Variants in TLE1 observed in about 807,000 individuals in gnomAD.
TLE1 encodes the protein TLE family member 1, transcriptional corepressor, also known as transducin-like enhancer protein 1.
A neutral mutation model predicts 89.8 loss-of-function variants in TLE1; 21 were observed. The ratio of observed to expected loss-of-function variants is 0.23; its 90% CI spans 0.17 to 0.34. The LOEUF (loss-of-function observed/expected upper bound fraction) is 0.34. Ranked by LOEUF, TLE1 falls within the 10% of genes least tolerant of loss-of-function variation. TLE1 has a pLI of 1.00. For missense variants in TLE1, 795 were observed against 1,031.2 expected, an observed-to-expected ratio of 0.77 and a Z score of 3.14; for synonymous variants, 447 against 407.6, an observed-to-expected ratio of 1.10 and a Z score of -1.16.
intron 6 of TLE1, among the ~76,000 whole-genome samples, chr9:81,640,300 T>C (rs1293049412): frequency 6.6e-6 from 1 of 152,070 alleles, no homozygotes; most frequent in Non-Finnish European, 1.5e-5. Context: ...TTCAATCACA[T>C]TCACTGTCCT....
intron 6 of TLE1, among the ~76,000 whole-genome samples, chr9:81,636,867 G>GGTA (rs1252234242): frequency 2.0e-5 from 3 of 151,936 alleles, no homozygotes; most frequent in African/African-American, 7.3e-5. Flanking sequence ...GCCAGGTGTG[G>GGTA]TGGCGGATGC....
rs77547622 is a variant in TLE1 at position 81,613,272 on chromosome 9, T to G, written c.1063+105A>C. ...AGATAGGAAGGAGGGTGGCCCTACG[T>G]ACATTTCATATTTGTAGGGCAATTG... On this transcript the variant is annotated intron_variant, in intron 12 of 19. Transcript: ENST00000376499. 6.0e-4 allele frequency: 881 copies of G among 1,474,160 alleles called. 10 individuals are homozygous for G. The East Asian group carries it at 0.018, about 30-fold the overall frequency. 91.3% of individuals were successfully genotyped at this position (1,474,160 alleles called of 1,614,324 possible). A position where few individuals can be genotyped will look rare whatever the true frequency, so the allele number is the denominator to read the frequency against.
chr9:81,648,107 A>C (rs943219728), intron 6 of TLE1, among the ~76,000 whole-genome samples: 5 of 151,968 alleles, frequency 3.3e-5, no homozygotes, highest in African/African-American at 1.2e-4. Flanking sequence ...CCCTGTCTCT[A>C]CTAAAAATAC....
At position 81,689,517 on chromosome 9, in the gene TLE1, C is replaced by G. The variant is rs1834759960; in HGVS notation, c.-1277G>C. On this transcript the variant is annotated 5_prime_UTR_variant, in exon 1 of 20. Coordinates refer to ENST00000376499, the MANE Select transcript of TLE1 (RefSeq NM_005077.5). Reference sequence around the variant, plus strand: ...CTGCAGCCGCCGCTCCCACCGCCGCCGCCGCCCGCGCCTCTCGCGCCGCTT... The same window carrying G: ...CTGCAGCCGCCGCTCCCACCGCCGCGGCCGCCCGCGCCTCTCGCGCCGCTT... Among the ~76,000 whole-genome samples the G allele has an allele frequency of 6.6e-6, 1 of 152,102 alleles. No individual in the cohort carries two copies. Among genetic ancestry groups the G allele is most frequent in the Non-Finnish European group, 1.5e-5 (1 of 68,020 alleles).
chr9:81,622,087 C>G (rs1279809612), intron 8 of TLE1, among the ~76,000 whole-genome samples: 1 of 152,242 alleles, frequency 6.6e-6, no homozygotes, highest in African/African-American at 2.4e-5. Context: ...AGACCCCCAG[C>G]TGACAAGGCT....
intron 14 of TLE1, among the ~76,000 whole-genome samples, chr9:81,595,798 G>A (rs815857): frequency 0.7 from 101,767 of 146,234 alleles, 35,334 homozygotes; most frequent in Middle Eastern, 0.74. Context: ...CAGCCTGGGC[G>A]ACAGAGACTC....
At chr9:81,600,164 A>G (rs1232768227) in intron 14 of TLE1, 2 of 709,528 alleles carry the variant, frequency 2.8e-6, no homozygotes, top group Admixed American at 2.1e-5. Flanking sequence ...ATGGAAAGTA[A>G]AACAAAAAGA....
intron 11 of TLE1, among the ~76,000 whole-genome samples, chr9:81,613,910 T>TC (rs1212395390): frequency 6.9e-6 from 1 of 145,710 alleles, no homozygotes; most frequent in Non-Finnish European, 1.5e-5. Flanking sequence ...TCTTTTCTTT[T>TC]TTTTTTTTTT....
At chr9:81,654,743 A>G (rs1208605020) in intron 4 of TLE1, among the ~76,000 whole-genome samples, 1 of 152,202 alleles carries the variant, frequency 6.6e-6, no homozygotes, top group Non-Finnish European at 1.5e-5. Context: ...GCACTGTCAA[A>G]GCAGTCCACC....
chr9:81,643,484 C>T (rs1163382060), intron 6 of TLE1, among the ~76,000 whole-genome samples: 3 of 152,144 alleles, frequency 2.0e-5, no homozygotes, highest in African/African-American at 7.2e-5. Flanking sequence ...GATCCGCCCA[C>T]CTCAGCCTCC....
intron 4 of TLE1, among the ~76,000 whole-genome samples, chr9:81,675,994 A>C (rs1330323963): frequency 6.6e-6 from 1 of 152,096 alleles, no homozygotes. Flanking sequence ...CCACCACACC[A>C]GGCCGACCCA....
intron 14 of TLE1, among the ~76,000 whole-genome samples, chr9:81,606,975 G>A (rs1831759007): frequency 1.3e-5 from 2 of 150,688 alleles, no homozygotes; most frequent in Admixed American, 1.3e-4. Flanking sequence ...TGTAGTCCCA[G>A]CACTTTGGGA....
At chr9:81,672,660 C>T (rs1274190169) in intron 4 of TLE1, among the ~76,000 whole-genome samples, 1 of 152,082 alleles carries the variant, frequency 6.6e-6, no homozygotes, top group Non-Finnish European at 1.5e-5. Context: ...GTACATATCC[C>T]TCATCAAAAT....
At chr9:81,611,036 G>A (rs1399647249) in intron 13 of TLE1, among the ~76,000 whole-genome samples, 1 of 152,208 alleles carries the variant, frequency 6.6e-6, no homozygotes, top group Non-Finnish European at 1.5e-5. Flanking sequence ...GCTATGTGAA[G>A]AGGGGACAAG....
rs1471357564 is a variant in TLE1, at chr9:81,611,689, GC to G, written c.1254+79del. 2.6e-5 allele frequency: 34 copies of G among 1,323,172 alleles called. 2 individuals are homozygous for G. The Middle Eastern group carries it at 1.1e-3, about 43-fold the overall frequency. The allele number at this position is 1,323,172 out of a possible 1,614,324, so 82.0% of individuals were successfully genotyped here. A position where few individuals can be genotyped will look rare whatever the true frequency, so the allele number is the denominator to read the frequency against. Reference sequence around the variant, plus strand: ...GCTCCTGCCCACGCAGCGCAGAGAGGCCTGGCCCCAAACCTGACAGCGCTCA... The same window carrying G: ...GCTCCTGCCCACGCAGCGCAGAGAGGCTGGCCCCAAACCTGACAGCGCTCA... On this transcript the variant is annotated intron_variant, in intron 13 of 19. Transcript: ENST00000376499.
rs762240122 is a variant in TLE1, at chr9:81,633,339, A to G, written c.594+9T>C. 4 of 1,608,454 alleles carry G rather than the reference A, an allele frequency of 2.5e-6. No homozygotes were observed. On this transcript the variant is annotated intron_variant, in intron 8 of 19. Coordinates refer to ENST00000376499, the MANE Select transcript of TLE1 (RefSeq NM_005077.5). ...TGTGTGTGTGTGCAGCAGGCGTTTG[A>G]GTACTTACTGTGCCCGGCTCTCTGT...
intron 8 of TLE1, among the ~76,000 whole-genome samples, chr9:81,625,008 A>G (rs1318772225): frequency 6.6e-6 from 1 of 152,212 alleles, no homozygotes; most frequent in Non-Finnish European, 1.5e-5. Flanking sequence ...AGCATATCTG[A>G]GAAGTCTAAA....
intron 8 of TLE1, among the ~76,000 whole-genome samples, chr9:81,629,205 A>C (rs1276104055): frequency 3.3e-5 from 5 of 152,174 alleles, no homozygotes; most frequent in Admixed American, 2.6e-4. Flanking sequence ...CCCTATTATA[A>C]ATTTTTTTAA....
intron 13 of TLE1, among the ~76,000 whole-genome samples, chr9:81,611,321 T>C (rs537921477): frequency 1.1e-4 from 16 of 152,176 alleles, no homozygotes; most frequent in Admixed American, 3.3e-4. Context: ...AAGTGTAACA[T>C]AGGCATAGAA....
Sources: gnomAD v4.1 joint callset for allele counts (sites outside exome capture counted in the v4.1 genomes callset) on GRCh38, gnomAD v4.1.1 for gene constraint, MANE v1.5 for transcripts, NCBI Gene and HGNC (gene_info 2026-07-23, HGNC 2026-07-21) for gene names.